The following HSD17B3 variants were observed in gnomAD, a reference collection of about 807,000 sequenced individuals.
HSD17B3 encodes the protein 17-beta-hydroxysteroid dehydrogenase type 3.
A neutral mutation model predicts 41.1 loss-of-function variants in HSD17B3; 29 were observed. That is an observed-to-expected ratio of 0.71 (90% CI 0.53 to 0.96). The LOEUF (loss-of-function observed/expected upper bound fraction) is 0.96. Among genes scored for constraint, HSD17B3 ranks in the 40% least tolerant of loss-of-function variants. The pLI, the probability that HSD17B3 is intolerant of heterozygous loss-of-function variation, is 0.00. For missense variants in HSD17B3, 323 were observed against 374.6 expected (o/e 0.86, Z 1.14); for synonymous variants, 126 against 145.6 (o/e 0.87, Z 0.97).
chr9:96,295,711 C>G (rs1185612960), intron 2 of HSD17B3, among the ~76,000 whole-genome samples: 1 of 152,170 alleles, frequency 6.6e-6, no homozygotes, highest in African/African-American at 2.4e-5. Context: ...GTCCCAGATG[C>G]CTTGCACTGC....
chr9:96,288,430 T>C lies in HSD17B3; in HGVS notation c.201+9986A>G, dbSNP rs191890803. On this transcript the variant is annotated intron_variant, in intron 2 of 10. Coordinates refer to ENST00000375263, the MANE Select transcript of HSD17B3 (RefSeq NM_000197.2). ...GAAGGTGTTAACACCACAAAGGTATTGTCACAAGTTCCCCCCAACCTGCAA... is the reference window on the plus strand; with the variant it reads ...GAAGGTGTTAACACCACAAAGGTATCGTCACAAGTTCCCCCCAACCTGCAA... Among the ~76,000 whole-genome samples, 3 of 152,294 alleles carry C rather than the reference T, an allele frequency of 2.0e-5. No individual in the cohort carries two copies. In the East Asian group the frequency reaches 5.8e-4, roughly 29 times the overall value.
intron 2 of HSD17B3, among the ~76,000 whole-genome samples, chr9:96,276,152 C>T (rs2476926): frequency 0.96 from 136,579 of 141,924 alleles, 65,763 homozygotes; most frequent in East Asian, 1. Flanking sequence ...GAAGACAATT[C>T]GATTCACAAT....
chr9:96,297,147 G>A lies in HSD17B3; in HGVS notation c.201+1269C>T, dbSNP rs775780505. Among the ~76,000 whole-genome samples, 7 of 151,754 alleles carry A rather than the reference G, an allele frequency of 4.6e-5. 1 individual carries two copies. Among genetic ancestry groups the A allele is most frequent in the Admixed American group, 2.6e-4 (4 of 15,230 alleles). On this transcript the variant is annotated intron_variant, in intron 2 of 10. Coordinates refer to ENST00000375263, the MANE Select transcript of HSD17B3 (RefSeq NM_000197.2). ...AGATAAATTTAGGAGAAACTGTTAG[G>A]TTTCAAATATCTTTCTCTTCAAGAA...
intron 6 of HSD17B3, among the ~76,000 whole-genome samples, chr9:96,246,862 C>T (rs912422885): frequency 6.6e-6 from 1 of 152,096 alleles, no homozygotes; most frequent in African/African-American, 2.4e-5. Context: ...AAAATGAGGG[C>T]AGTGAAAAAT....
intron 2 of HSD17B3, among the ~76,000 whole-genome samples, chr9:96,292,453 C>T (rs1241370297): frequency 1.3e-5 from 2 of 152,176 alleles, no homozygotes; most frequent in Non-Finnish European, 2.9e-5. Flanking sequence ...TGGATTCAAG[C>T]AGTTCTGCCT....
intron 2 of HSD17B3, among the ~76,000 whole-genome samples, chr9:96,288,071 G>T (rs1372491038): frequency 6.6e-6 from 1 of 152,246 alleles, no homozygotes; most frequent in Non-Finnish European, 1.5e-5. Flanking sequence ...GTTGTATGGT[G>T]ACCTTCATAT....
chr9:96,242,720 T>C (rs1180661349), intron 9 of HSD17B3, among the ~76,000 whole-genome samples: 5 of 152,058 alleles, frequency 3.3e-5, no homozygotes, highest in African/African-American at 1.2e-4. Context: ...CACCCACATC[T>C]CCTCCTGACC....
At chr9:96,278,319 G>A (rs12682944) in intron 2 of HSD17B3, among the ~76,000 whole-genome samples, 30,203 of 151,932 alleles carry the variant, frequency 0.2, 3,602 homozygotes, top group East Asian at 0.56. Context: ...AGATACGTTC[G>A]TTAACTTGAT....
intron 2 of HSD17B3, among the ~76,000 whole-genome samples, chr9:96,273,446 G>A (rs1314522412): frequency 6.6e-6 from 1 of 152,166 alleles, no homozygotes; most frequent in Non-Finnish European, 1.5e-5. Context: ...GATCCCCTTG[G>A]CTGTGACTGT....
intron 2 of HSD17B3, among the ~76,000 whole-genome samples, chr9:96,291,891 A>T (rs1217963719): frequency 6.6e-6 from 1 of 152,134 alleles, no homozygotes; most frequent in Admixed American, 6.5e-5. Context: ...CGGGAGGCAG[A>T]GGTTGCAGTG....
intron 5 of HSD17B3, 35 bp downstream of exon 5, chr9:96,251,383 A>G: frequency 6.3e-7 from 1 of 1,588,122 alleles, no homozygotes; most frequent in Non-Finnish European, 8.6e-7. Context: ...GAACCTGGAT[A>G]AGAGGAATCT....
chr9:96,239,832 A>G (rs1373967173), intron 10 of HSD17B3: 1 of 130,252 alleles, frequency 7.7e-6, no homozygotes, highest in Non-Finnish European at 1.8e-5. Context: ...CCTTTGTTTC[A>G]TGTTTGTGTT....
chr9:96,277,386 C>T lies in HSD17B3; in HGVS notation c.201+21030G>A, dbSNP rs540623353. ...CTTAATAGCAAAACAAAACAAATAA[C>T]GTGATTTTAAAAAAGGAAGAAGGAT... On this transcript the variant is annotated intron_variant, in intron 2 of 10. Transcript: ENST00000375263. Among the ~76,000 whole-genome samples the T allele has an allele frequency of 5.3e-5, 8 of 151,988 alleles. No homozygotes were observed. In the South Asian group the frequency reaches 1.5e-3, roughly 28 times the overall value.
chr9:96,266,483 T>C (rs1826047566), intron 2 of HSD17B3, among the ~76,000 whole-genome samples: 1 of 152,046 alleles, frequency 6.6e-6, no homozygotes. Context: ...TTGCCCAGGC[T>C]GGTCTCAAAC....
intron 2 of HSD17B3, among the ~76,000 whole-genome samples, chr9:96,288,232 A>C (rs1419823550): frequency 6.6e-6 from 1 of 152,252 alleles, no homozygotes; most frequent in Non-Finnish European, 1.5e-5. Context: ...ATTTCCTAAA[A>C]ATTACTGAAG....
At chr9:96,284,431 C>T (rs1034278195) in intron 2 of HSD17B3, among the ~76,000 whole-genome samples, 5 of 152,174 alleles carry the variant, frequency 3.3e-5, no homozygotes, top group South Asian at 4.1e-4. Context: ...AAACTAGTTG[C>T]GAGTATTCTT....
At chr9:96,236,547 A>ATAAG (rs1836245773) in intron 10 of HSD17B3, among the ~76,000 whole-genome samples, 1 of 151,564 alleles carries the variant, frequency 6.6e-6, no homozygotes, top group African/African-American at 2.4e-5. Context: ...AAATAAATAA[A>ATAAG]TAAATAAAAT....
chr9:96,236,553 A>AAATG (rs1328943116), intron 10 of HSD17B3, among the ~76,000 whole-genome samples: 1 of 149,680 alleles, frequency 6.7e-6, no homozygotes, highest in African/African-American at 2.5e-5. Context: ...ATAAATAAAT[A>AAATG]AAATGAGGAT....
chr9:96,255,899 G>C (rs1825634072), intron 2 of HSD17B3, among the ~76,000 whole-genome samples: 1 of 152,226 alleles, frequency 6.6e-6, no homozygotes, highest in African/African-American at 2.4e-5. Flanking sequence ...CTGCGTGAAG[G>C]GGTGGGGAGC....
Sources: gnomAD v4.1 joint callset for allele counts (sites outside exome capture counted in the v4.1 genomes callset) on GRCh38, gnomAD v4.1.1 for gene constraint, MANE v1.5 for transcripts, NCBI Gene and HGNC (gene_info 2026-07-23, HGNC 2026-07-21) for gene names.